The following NUMB variants were observed in gnomAD, a reference collection of about 807,000 sequenced individuals.
NUMB encodes the protein protein numb homolog.
NUMB carries 29 observed loss-of-function variants against 59.7 expected under a neutral mutation model. That is an observed-to-expected ratio of 0.49 (90% CI 0.36 to 0.66). NUMB has a LOEUF of 0.66. Among genes scored for constraint, NUMB ranks in the 30% least tolerant of loss-of-function variants. The probability of loss-of-function intolerance (pLI) is 0.00; values close to 1 mark genes in which losing one functional copy is unlikely to be tolerated. For synonymous variants in NUMB, 288 were observed against 288.2 expected, an observed-to-expected ratio of 1.00 and a Z score of 0.01; for missense variants, 723 against 822.0, an observed-to-expected ratio of 0.88 and a Z score of 1.47.
intron 1 of NUMB, among the ~76,000 whole-genome samples, chr14:73,447,785 ATT>A (rs578171322): frequency 2.8e-4 from 39 of 141,530 alleles, no homozygotes; most frequent in African/African-American, 5.2e-4. Context: ...TTTCTTGCCG[ATT>A]TTTTTTTTTT....
intron 4 of NUMB, among the ~76,000 whole-genome samples, chr14:73,353,072 G>GTTTTTGTTTTTTTTTTTT (rs71450219): frequency 1.7e-5 from 1 of 58,522 alleles, no homozygotes; most frequent in Admixed American, 2.7e-4. Context: ...AGTTTTTCTT[G>GTTTTTGTTTTTTTTTTTT]TTTTTTTTTT....
chr14:73,387,955 C>CA (rs1566774529), intron 2 of NUMB, among the ~76,000 whole-genome samples: 86 of 82,586 alleles, frequency 1.0e-3, no homozygotes, highest in Non-Finnish European at 5.0e-4. Flanking sequence ...TCTGTCTCTA[C>CA]CAAAAAAAAA....
intron 1 of NUMB, among the ~76,000 whole-genome samples, chr14:73,448,780 T>C (rs1357737500): frequency 1.3e-5 from 2 of 152,174 alleles, no homozygotes; most frequent in Non-Finnish European, 2.9e-5. Flanking sequence ...GTAGGATTAA[T>C]GGTTTCCACT....
At chr14:73,404,231 G>A (rs939449595) in intron 2 of NUMB, among the ~76,000 whole-genome samples, 1 of 150,396 alleles carries the variant, frequency 6.6e-6, no homozygotes, top group African/African-American at 2.5e-5. Context: ...GACAAAGCAA[G>A]GCTATGTCTC....
intron 3 of NUMB, among the ~76,000 whole-genome samples, chr14:73,366,658 C>T (rs1894360469): frequency 6.6e-6 from 1 of 152,152 alleles, no homozygotes; most frequent in Non-Finnish European, 1.5e-5. Flanking sequence ...AGGATTCATA[C>T]CCAAGTAGTC....
At chr14:73,457,633 G>C (rs1884486240) in intron 1 of NUMB, 1 of 152,004 alleles carries the variant, frequency 6.6e-6, no homozygotes, top group East Asian at 1.9e-4. Flanking sequence ...CCTCACCCCG[G>C]TCTCAAACGC....
At chr14:73,424,387 A>G (rs1158592321) in intron 1 of NUMB, among the ~76,000 whole-genome samples, 2 of 152,104 alleles carry the variant, frequency 1.3e-5, no homozygotes, top group Non-Finnish European at 2.9e-5. Flanking sequence ...AATTTTTTTA[A>G]AAACCTTTGC....
chr14:73,352,131 T>G (rs983106301), intron 4 of NUMB, among the ~76,000 whole-genome samples: 2 of 152,002 alleles, frequency 1.3e-5, no homozygotes, highest in Non-Finnish European at 2.9e-5. Context: ...TACAAAGCCC[T>G]GCCCTGCTTT....
chr14:73,323,630 A>G (rs1322726635), intron 4 of NUMB, among the ~76,000 whole-genome samples: 5 of 152,250 alleles, frequency 3.3e-5, no homozygotes, highest in Admixed American at 2.0e-4. Context: ...GACAAAGTAT[A>G]TATACATATC....
At chr14:73,395,362 C>T (rs1034073220) in intron 2 of NUMB, among the ~76,000 whole-genome samples, 4 of 151,356 alleles carry the variant, frequency 2.6e-5, no homozygotes, top group Admixed American at 6.6e-5. Context: ...GTGGCTCATG[C>T]CTATAATCCC....
At chr14:73,360,507 G>A (rs143540672) in intron 3 of NUMB, among the ~76,000 whole-genome samples, 7,839 of 150,480 alleles carry the variant, frequency 0.052, 654 homozygotes, top group African/African-American at 0.18. Context: ...GTAGTGAGCT[G>A]AGATCACACC....
intron 2 of NUMB, among the ~76,000 whole-genome samples, chr14:73,408,871 CCTT>C (rs1896791155): frequency 7.0e-6 from 1 of 142,704 alleles, no homozygotes. Flanking sequence ...GAGCAAAACT[CCTT>C]CTCAAAAAAA....
intron 4 of NUMB, among the ~76,000 whole-genome samples, chr14:73,331,312 G>A (rs1473393274): frequency 2.0e-5 from 3 of 152,172 alleles, no homozygotes; most frequent in Non-Finnish European, 4.4e-5. Flanking sequence ...CTGGGAGGCC[G>A]AGGTGGGAGG....
intron 4 of NUMB, among the ~76,000 whole-genome samples, chr14:73,331,126 T>C (rs1403799588): frequency 2.0e-5 from 3 of 152,254 alleles, no homozygotes; most frequent in African/African-American, 4.8e-5. Flanking sequence ...TTGTCTCTTA[T>C]TGTATAATCC....
intron 1 of NUMB, among the ~76,000 whole-genome samples, chr14:73,436,706 C>T (rs1322403590): frequency 1.3e-5 from 2 of 151,914 alleles, no homozygotes. Flanking sequence ...CTTGGCCGGG[C>T]GCGGTGGCTC....
intron 5 of NUMB, among the ~76,000 whole-genome samples, chr14:73,318,020 A>C (rs1891181010): frequency 6.6e-6 from 1 of 152,220 alleles, no homozygotes; most frequent in Non-Finnish European, 1.5e-5. Context: ...ATTTCCACAA[A>C]ACATTTTGAA....
intron 1 of NUMB, among the ~76,000 whole-genome samples, chr14:73,448,477 C>T (rs1364684482): frequency 1.3e-5 from 2 of 152,130 alleles, no homozygotes; most frequent in East Asian, 1.9e-4. Flanking sequence ...AGGCATGAGC[C>T]ACCACACCAG....
chr14:73,338,447 A>G (rs1892463979), intron 4 of NUMB, among the ~76,000 whole-genome samples: 1 of 152,182 alleles, frequency 6.6e-6, no homozygotes, highest in Non-Finnish European at 1.5e-5. Context: ...AAGTCACATC[A>G]TCTTTCATCT....
chr14:73,438,015 T>G (rs1487311923), intron 1 of NUMB, among the ~76,000 whole-genome samples: 1 of 152,196 alleles, frequency 6.6e-6, no homozygotes, highest in Non-Finnish European at 1.5e-5. Context: ...TGCAAATATT[T>G]TAAAATAATA....
Sources: allele counts gnomAD v4.1 joint callset (sites outside exome capture counted in the v4.1 genomes callset), GRCh38; gene constraint gnomAD v4.1.1; transcripts MANE v1.5; gene names NCBI Gene and HGNC (gene_info 2026-07-23, HGNC 2026-07-21).